The following VSNL1 variants were observed in gnomAD, a reference collection of about 807,000 sequenced individuals.
VSNL1 encodes the protein visinin-like protein 1.
In VSNL1, 6 loss-of-function variants were observed where a neutral mutation model predicts 20.4. That is an observed-to-expected ratio of 0.29 (90% confidence interval 0.16 to 0.58). The LOEUF is 0.58. Ranked by LOEUF, VSNL1 falls within the 20% of genes least tolerant of loss-of-function variation. VSNL1 has a pLI of 0.90. For missense variants in VSNL1, 100 were observed against 234.5 expected (o/e 0.43, Z 3.75); for synonymous variants, 93 against 86.4 (o/e 1.08, Z -0.42).
intron 1 of VSNL1, among the ~76,000 whole-genome samples, chr2:17,575,829 C>T (rs1664199633): frequency 6.6e-6 from 1 of 152,130 alleles, no homozygotes; most frequent in Non-Finnish European, 1.5e-5. Context: ...GCCACTGCGC[C>T]CGGCCCGATT....
chr2:17,621,060 A>G (rs1237107125), intron 2 of VSNL1, among the ~76,000 whole-genome samples: 1 of 152,250 alleles, frequency 6.6e-6, no homozygotes, highest in Non-Finnish European at 1.5e-5. Context: ...AGTCATGAGC[A>G]GTATGGTCAT....
chr2:17,589,159 A>G (rs1664542861), intron 1 of VSNL1, among the ~76,000 whole-genome samples: 1 of 152,198 alleles, frequency 6.6e-6, no homozygotes, highest in African/African-American at 2.4e-5. Flanking sequence ...GTTGAGCAGA[A>G]AATGGGGGGA....
At chr2:17,608,076 C>G (rs1223884590) in intron 2 of VSNL1, among the ~76,000 whole-genome samples, 17 of 152,168 alleles carry the variant, frequency 1.1e-4, no homozygotes, top group African/African-American at 2.4e-5. Context: ...AACTGTAAAA[C>G]TTGACATGCC....
intron 2 of VSNL1, among the ~76,000 whole-genome samples, chr2:17,611,359 A>G (rs1665081801): frequency 6.6e-6 from 1 of 152,236 alleles, no homozygotes; most frequent in Non-Finnish European, 1.5e-5. Context: ...AATGACATAA[A>G]CCATTTGAGC....
chr2:17,611,650 A>T (rs2103393773), intron 2 of VSNL1, among the ~76,000 whole-genome samples: 1 of 152,322 alleles, frequency 6.6e-6, no homozygotes, highest in Admixed American at 6.5e-5. Context: ...GAACTCTCTG[A>T]AGAGGACAGT....
At chr2:17,566,142 A>G (rs998469612) in intron 1 of VSNL1, among the ~76,000 whole-genome samples, 1 of 152,104 alleles carries the variant, frequency 6.6e-6, no homozygotes, top group Non-Finnish European at 1.5e-5. Flanking sequence ...TCATGCAACT[A>G]TATCTTGTTA....
At chr2:17,594,169 C>T (rs902799731) in intron 2 of VSNL1, among the ~76,000 whole-genome samples, 1 of 152,176 alleles carries the variant, frequency 6.6e-6, no homozygotes, top group African/African-American at 2.4e-5. Context: ...CATGCCTTGG[C>T]GTTTTATGGT....
intron 2 of VSNL1, among the ~76,000 whole-genome samples, chr2:17,633,107 G>C (rs1665672226): frequency 6.6e-6 from 1 of 152,194 alleles, no homozygotes; most frequent in African/African-American, 2.4e-5. Context: ...CGTGGCTGAA[G>C]GCGAATGAGG....
intron 2 of VSNL1, among the ~76,000 whole-genome samples, chr2:17,615,356 A>G (rs904153005): frequency 3.3e-5 from 5 of 152,160 alleles, no homozygotes; most frequent in Non-Finnish European, 5.9e-5. Context: ...TTGCTGACAC[A>G]TGGTAATTGT....
intron 2 of VSNL1, among the ~76,000 whole-genome samples, chr2:17,644,558 T>C (rs1665953810): frequency 6.6e-6 from 1 of 152,204 alleles, no homozygotes; most frequent in African/African-American, 2.4e-5. Flanking sequence ...GAGACTGCAG[T>C]TGGTGCTGGG....
intron 2 of VSNL1, among the ~76,000 whole-genome samples, chr2:17,619,108 A>T (rs1374438007): frequency 6.6e-6 from 1 of 152,206 alleles, no homozygotes; most frequent in African/African-American, 2.4e-5. Flanking sequence ...CAAGCTCCTC[A>T]CAAGGTCCAA....
At chr2:17,542,863 C>T (rs1231408743) in intron 1 of VSNL1, among the ~76,000 whole-genome samples, 2 of 152,202 alleles carry the variant, frequency 1.3e-5, no homozygotes, top group Non-Finnish European at 2.9e-5. Context: ...TGTAAGGTAT[C>T]TAGTCCAAAC....
At chr2:17,626,123 G>C (rs1478504844) in intron 2 of VSNL1, among the ~76,000 whole-genome samples, 1 of 152,060 alleles carries the variant, frequency 6.6e-6, no homozygotes, top group Non-Finnish European at 1.5e-5. Flanking sequence ...CCAGCCCCTT[G>C]GCTGATCTTC....
chr2:17,573,065 A>G (rs1305867825), intron 1 of VSNL1, among the ~76,000 whole-genome samples: 2 of 152,248 alleles, frequency 1.3e-5, no homozygotes, highest in African/African-American at 4.8e-5. Context: ...TTAATTAGCA[A>G]AGTAACCAAT....
At chr2:17,641,128 C>T (rs989011191) in intron 2 of VSNL1, among the ~76,000 whole-genome samples, 5 of 152,142 alleles carry the variant, frequency 3.3e-5, no homozygotes, top group Non-Finnish European at 5.9e-5. Flanking sequence ...GTCACCATGA[C>T]GCTGTGAAAT....
At chr2:17,581,942 T>A (rs1179302783) in intron 1 of VSNL1, among the ~76,000 whole-genome samples, 1 of 152,130 alleles carries the variant, frequency 6.6e-6, no homozygotes, top group Non-Finnish European at 1.5e-5. Context: ...ATGGGAGACA[T>A]GGATTACAGA....
At chr2:17,568,182 T>C (rs1279594834) in intron 1 of VSNL1, among the ~76,000 whole-genome samples, 1 of 152,246 alleles carries the variant, frequency 6.6e-6, no homozygotes, top group Non-Finnish European at 1.5e-5. Flanking sequence ...CTTCCTTTCT[T>C]CTATTTACCT....
intron 1 of VSNL1, among the ~76,000 whole-genome samples, chr2:17,579,362 G>A (rs992501751): frequency 3.3e-5 from 5 of 151,904 alleles, no homozygotes; most frequent in South Asian, 4.2e-4. Context: ...TGATCCGCCC[G>A]CCTCGGCCTC....
At chr2:17,639,303 C>T (rs1665830265) in intron 2 of VSNL1, among the ~76,000 whole-genome samples, 1 of 152,220 alleles carries the variant, frequency 6.6e-6, no homozygotes, top group African/African-American at 2.4e-5. Context: ...GCATCCTACA[C>T]ATCCTGCAAG....
Sources: gnomAD v4.1 joint callset for allele counts (sites outside exome capture counted in the v4.1 genomes callset) on GRCh38, gnomAD v4.1.1 for gene constraint, MANE v1.5 for transcripts, NCBI Gene and HGNC (gene_info 2026-07-23, HGNC 2026-07-21) for gene names.